Variants in CTNNA3 observed in about 807,000 individuals in gnomAD.
The protein encoded by CTNNA3 is catenin alpha 3.
Under a neutral mutation model 95.7 loss-of-function variants are expected in CTNNA3, and 76 were observed. That is an observed-to-expected ratio of 0.79 (90% CI 0.66 to 0.96). The LOEUF (loss-of-function observed/expected upper bound fraction) is 0.96. CTNNA3 is among the 40% of genes least tolerant of loss of function. The pLI, the probability that CTNNA3 is intolerant of heterozygous loss-of-function variation, is 0.00. For synonymous variants in CTNNA3, 431 were observed against 374.4 expected, an observed-to-expected ratio of 1.15 and a Z score of -1.74; for missense variants, 1,191 against 1,089.8, an observed-to-expected ratio of 1.09 and a Z score of -1.31.
chr10:67,701,734 C>A (rs545611917), intron 1 of CTNNA3, among the ~76,000 whole-genome samples: 1 of 152,136 alleles, frequency 6.6e-6, no homozygotes, highest in African/African-American at 2.4e-5. Flanking sequence ...GCAAAATAAC[C>A]AGCTAACATC....
chr10:66,929,677 T>C (rs1464242403), intron 7 of CTNNA3, among the ~76,000 whole-genome samples: 3 of 152,236 alleles, frequency 2.0e-5, no homozygotes, highest in Admixed American at 6.5e-5. Context: ...GACATTACAA[T>C]GTCCCTGCGT....
intron 1 of CTNNA3, among the ~76,000 whole-genome samples, chr10:67,739,567 A>G (rs1841323010): frequency 6.6e-6 from 1 of 151,916 alleles, no homozygotes; most frequent in South Asian, 2.1e-4. Flanking sequence ...ATTGCTTCAA[A>G]GAGAATAAAA....
chr10:66,142,500 T>C (rs1038811640), intron 13 of CTNNA3, among the ~76,000 whole-genome samples: 5 of 152,136 alleles, frequency 3.3e-5, no homozygotes, highest in African/African-American at 7.2e-5. Flanking sequence ...CTTTTAACTC[T>C]ACATATATAC....
intron 7 of CTNNA3, among the ~76,000 whole-genome samples, chr10:66,787,111 G>A (rs967621719): frequency 5.9e-5 from 9 of 152,230 alleles, no homozygotes; most frequent in African/African-American, 2.2e-4. Context: ...CCTCTACTTA[G>A]TGAGTCAGAG....
intron 5 of CTNNA3, among the ~76,000 whole-genome samples, chr10:67,502,326 G>A (rs550632438): frequency 1.1e-4 from 16 of 152,116 alleles, no homozygotes; most frequent in Admixed American, 5.9e-4. Context: ...GACTGCTCCT[G>A]TTCCTTCCTC....
chr10:66,309,709 A>G (rs1343241398), intron 12 of CTNNA3, among the ~76,000 whole-genome samples: 1 of 136,142 alleles, frequency 7.3e-6, no homozygotes, highest in East Asian at 2.0e-4. Flanking sequence ...AAAAAAAAAA[A>G]AAAGGGTTAG....
In CTNNA3 at chr10:66,955,528, C is replaced by T. The variant is rs114371833; in HGVS notation, c.1048-180004G>A. 1.4e-3 allele frequency among the ~76,000 whole-genome samples: 218 copies of T among 152,260 alleles called. 1 individual carries two copies. The highest frequency in any genetic ancestry group is 4.8e-3 in the African/African-American group (199 of 41,550). ...AGAATTCAGGCACTTATCTGTTTGGCTCCAAAGCCTACATTAATTCCAGTT... is the reference window on the plus strand; with the variant it reads ...AGAATTCAGGCACTTATCTGTTTGGTTCCAAAGCCTACATTAATTCCAGTT... On this transcript the variant is annotated intron_variant, in intron 7 of 17. Transcript: ENST00000433211.
chr10:66,706,450 T>A (rs1295170082), intron 9 of CTNNA3, among the ~76,000 whole-genome samples: 5 of 151,848 alleles, frequency 3.3e-5, no homozygotes, highest in African/African-American at 1.2e-4. Context: ...GAATGAACAT[T>A]TTCTGTCTCC....
intron 7 of CTNNA3, among the ~76,000 whole-genome samples, chr10:66,958,815 AAGG>A (rs1848970305): frequency 6.6e-6 from 1 of 152,122 alleles, no homozygotes; most frequent in African/African-American, 2.4e-5. Context: ...CTCAAAGAAG[AAGG>A]AAAGGAATTA....
At chr10:67,063,551 T>A (rs980357559) in intron 7 of CTNNA3, among the ~76,000 whole-genome samples, 2 of 152,326 alleles carry the variant, frequency 1.3e-5, no homozygotes, top group East Asian at 3.9e-4. Context: ...GTTATCACTG[T>A]CAGATATGAA....
At chr10:67,537,990 C>G (rs2133198978) in intron 4 of CTNNA3, among the ~76,000 whole-genome samples, 1 of 149,810 alleles carries the variant, frequency 6.7e-6, no homozygotes, top group South Asian at 2.1e-4. Flanking sequence ...GATTGAATTG[C>G]TCTTTTTACT....
At chr10:66,815,650 A>G (rs1183201511) in intron 7 of CTNNA3, among the ~76,000 whole-genome samples, 1 of 152,200 alleles carries the variant, frequency 6.6e-6, no homozygotes, top group Non-Finnish European at 1.5e-5. Flanking sequence ...TAAATAAGTT[A>G]GGGCAAAAAA....
chr10:67,124,894 G>T (rs1467784937), intron 7 of CTNNA3, among the ~76,000 whole-genome samples: 1 of 152,082 alleles, frequency 6.6e-6, no homozygotes, highest in Non-Finnish European at 1.5e-5. Flanking sequence ...AATAATGTTG[G>T]CATTCATGGC....
intron 1 of CTNNA3, among the ~76,000 whole-genome samples, chr10:67,756,911 TA>T (rs1841436710): frequency 6.6e-6 from 1 of 152,184 alleles, no homozygotes; most frequent in Non-Finnish European, 1.5e-5. Context: ...TATATAAGTA[TA>T]GGGGAAAGGA....
chr10:66,331,743 C>A (rs2092333461), intron 12 of CTNNA3, among the ~76,000 whole-genome samples: 1 of 151,898 alleles, frequency 6.6e-6, no homozygotes, highest in Non-Finnish European at 1.5e-5. Flanking sequence ...CGTGATGCCT[C>A]TGGCTTTGTT....
At chr10:67,171,347 G>A (rs899266545) in intron 7 of CTNNA3, among the ~76,000 whole-genome samples, 13 of 152,250 alleles carry the variant, frequency 8.5e-5, no homozygotes, top group Middle Eastern at 3.4e-3. Context: ...GGCTGAGACA[G>A]GCGGTTCACC....
At chr10:67,588,885 T>A (rs1842714810) in intron 3 of CTNNA3, among the ~76,000 whole-genome samples, 2 of 152,090 alleles carry the variant, frequency 1.3e-5, no homozygotes, top group African/African-American at 4.8e-5. Flanking sequence ...GAAGAAAGAA[T>A]CTATACACTT....
At chr10:66,856,519 C>T (rs1589339436) in intron 7 of CTNNA3, among the ~76,000 whole-genome samples, 4 of 151,956 alleles carry the variant, frequency 2.6e-5, no homozygotes, top group Admixed American at 6.6e-5. Context: ...ACTAAATTCT[C>T]ATCAGCAGTG....
chr10:67,256,128 A>C (rs1039097734), intron 5 of CTNNA3, among the ~76,000 whole-genome samples: 2 of 152,200 alleles, frequency 1.3e-5, no homozygotes, highest in East Asian at 3.8e-4. Context: ...GATTACACTA[A>C]GACCTTTGAA....
Sources: gnomAD v4.1 joint callset for allele counts (sites outside exome capture counted in the v4.1 genomes callset) on GRCh38, gnomAD v4.1.1 for gene constraint, MANE v1.5 for transcripts, NCBI Gene and HGNC (gene_info 2026-07-23, HGNC 2026-07-21) for gene names.